The following NFATC2 variants were observed in gnomAD, a reference collection of about 807,000 sequenced individuals.
The protein encoded by NFATC2 is nuclear factor of activated T-cells, cytoplasmic 2.
NFATC2 carries 22 observed loss-of-function variants against 87.3 expected under a neutral mutation model. The ratio of observed to expected loss-of-function variants is 0.25; its 90% CI spans 0.18 to 0.36. The LOEUF (loss-of-function observed/expected upper bound fraction) is 0.36, where lower values mean the gene tolerates loss of function less well. Ranked by LOEUF, NFATC2 falls within the 10% of genes least tolerant of loss-of-function variation. The pLI, the probability that NFATC2 is intolerant of heterozygous loss-of-function variation, is 1.00. For synonymous variants in NFATC2, 565 were observed against 542.2 expected (o/e 1.04, Z -0.58); for missense variants, 1,149 against 1,259.1 (o/e 0.91, Z 1.32).
At chr20:51,505,578 C>G (rs889445609) in intron 3 of NFATC2, among the ~76,000 whole-genome samples, 1 of 151,952 alleles carries the variant, frequency 6.6e-6, no homozygotes, top group Admixed American at 6.6e-5. Context: ...TCAGAATAGG[C>G]CCCCGCTAAG....
At chr20:51,427,797 A>G (rs1436011008) in intron 9 of NFATC2, among the ~76,000 whole-genome samples, 1 of 152,098 alleles carries the variant, frequency 6.6e-6, no homozygotes, top group Non-Finnish European at 1.5e-5. Context: ...TGCAGGGGCC[A>G]ACCTCACCCC....
At chr20:51,445,173 G>A (rs1984895283) in intron 6 of NFATC2, among the ~76,000 whole-genome samples, 1 of 151,754 alleles carries the variant, frequency 6.6e-6, no homozygotes, top group African/African-American at 2.4e-5. Context: ...TCCTTGCCAT[G>A]ACTGCAGGGC....
chr20:51,465,677 CA>C (rs1555882361), intron 5 of NFATC2, among the ~76,000 whole-genome samples: 2 of 152,058 alleles, frequency 1.3e-5, no homozygotes, highest in Non-Finnish European at 2.9e-5. Flanking sequence ...ATCGGCATGA[CA>C]GACACATATT....
chr20:51,467,530 C>G (rs1239651119), intron 5 of NFATC2, among the ~76,000 whole-genome samples: 1 of 150,230 alleles, frequency 6.7e-6, no homozygotes, highest in Admixed American at 6.7e-5. Context: ...GCACTCCAGC[C>G]TAGGGGAAAA....
At chr20:51,479,756 A>G (rs1989072159) in intron 3 of NFATC2, among the ~76,000 whole-genome samples, 1 of 152,198 alleles carries the variant, frequency 6.6e-6, no homozygotes, top group Non-Finnish European at 1.5e-5. Context: ...CACATTTTAC[A>G]GGTGAGGAAA....
chr20:51,398,618 A>AGGAGAAGCAGAAGATATCGATT (rs765248156), intron 10 of NFATC2, 25 bp downstream of exon 10: 82 of 1,520,840 alleles, frequency 5.4e-5, no homozygotes, highest in Non-Finnish European at 6.7e-5. Context: ...GGAAAACAAA[A>AGGAGAAGCAGAAGATATCGATT]GGAGAAGCAG....
chr20:51,538,619 A>G (rs1057218605), intron 1 of NFATC2, among the ~76,000 whole-genome samples: 2 of 152,254 alleles, frequency 1.3e-5, no homozygotes, highest in Non-Finnish European at 2.9e-5. Flanking sequence ...TTGTGACCCT[A>G]GGATCTAACA....
chr20:51,510,084 C>G (rs1015270815), intron 3 of NFATC2, among the ~76,000 whole-genome samples: 1 of 152,234 alleles, frequency 6.6e-6, no homozygotes, highest in African/African-American at 2.4e-5. Flanking sequence ...GACGCTTCCA[C>G]GTTCTCATAT....
In NFATC2 at chr20:51,474,112, T is replaced by G; in HGVS notation, c.1576A>C (p.Ile526Leu). 6.2e-7 allele frequency: 1 copy of G among 1,614,218 alleles called. No homozygotes were observed. The highest frequency in any genetic ancestry group is 8.5e-7 in the Non-Finnish European group (1 of 1,180,036). Residue 526 changes from isoleucine to leucine, a missense_variant, in exon 5 of 11, where the codon ATT becomes CTT. Ile to Leu is a conservative substitution (Grantham distance 5). Coordinates refer to ENST00000371564, the MANE Select transcript of NFATC2 (RefSeq NM_012340.5). Reference sequence around the variant, plus strand: ...TCCGTCTCGCCTTTCCGCAGCTCAATGTCGGCGTTTCTAAGCTTCAAGATC... The same window carrying G: ...TCCGTCTCGCCTTTCCGCAGCTCAAGGTCGGCGTTTCTAAGCTTCAAGATC... Reference protein sequence around the residue: ...AGILKLRNADIELRKGETDIG... With the variant: ...AGILKLRNADLELRKGETDIG...
rs373827512 is a variant in NFATC2, at chr20:51,391,477, G to A, written c.*45-26C>T. On this transcript the variant is annotated intron_variant, in intron 10 of 10. Transcript: ENST00000371564. ...CTACAAAAGAAAAGAGGAGGGGGGG[G>A]GAGAGAGAATGGGGCAAGTGAGAGG... is the stretch of plus-strand genomic sequence containing the variant. 11 of 1,576,166 alleles carry A rather than the reference G, an allele frequency of 7.0e-6. 1 individual carries two copies. Among genetic ancestry groups the A allele is most frequent in the Middle Eastern group, 2.0e-4 (1 of 5,048 alleles).
chr20:51,469,916 G>C (rs1988042563), intron 5 of NFATC2, among the ~76,000 whole-genome samples: 1 of 152,212 alleles, frequency 6.6e-6, no homozygotes, highest in African/African-American at 2.4e-5. Context: ...CAAGCCACCT[G>C]GTTTGCAGTA....
chr20:51,465,860 T>C (rs1987630303), intron 5 of NFATC2, among the ~76,000 whole-genome samples: 2 of 152,086 alleles, frequency 1.3e-5, no homozygotes, highest in Non-Finnish European at 2.9e-5. Context: ...CTTTGTTTTG[T>C]TCAGTGTTGC....
chr20:51,492,704 G>C (rs111824870), intron 3 of NFATC2, among the ~76,000 whole-genome samples: 2,630 of 152,356 alleles, frequency 0.017, 38 homozygotes, highest in Middle Eastern at 0.037. Flanking sequence ...GCAGGAGGCG[G>C]CCGGGGCTCC....
At chr20:51,493,208 C>G (rs184759082) in intron 3 of NFATC2, among the ~76,000 whole-genome samples, 2 of 152,318 alleles carry the variant, frequency 1.3e-5, no homozygotes, top group African/African-American at 4.8e-5. Context: ...CACTCTGACT[C>G]TTTGACACAT....
At chr20:51,409,235 A>G (rs1436540740) in intron 9 of NFATC2, among the ~76,000 whole-genome samples, 1 of 152,172 alleles carries the variant, frequency 6.6e-6, no homozygotes, top group Admixed American at 6.6e-5. Flanking sequence ...TTGTCAGTAT[A>G]ACCCTACAGA....
chr20:51,437,533 G>A (rs1434683533), intron 6 of NFATC2, among the ~76,000 whole-genome samples: 1 of 152,152 alleles, frequency 6.6e-6, no homozygotes, highest in Non-Finnish European at 1.5e-5. Flanking sequence ...GATTCACCCA[G>A]CGAAATCTGG....
chr20:51,471,661 T>C (rs1252548410), intron 5 of NFATC2, among the ~76,000 whole-genome samples: 2 of 152,160 alleles, frequency 1.3e-5, no homozygotes, highest in African/African-American at 4.8e-5. Context: ...GAAAGGACCA[T>C]CCTCTCTCCT....
intron 3 of NFATC2, among the ~76,000 whole-genome samples, chr20:51,483,961 G>T (rs1989492924): frequency 6.6e-6 from 1 of 151,752 alleles, no homozygotes; most frequent in East Asian, 1.9e-4. Flanking sequence ...AAAATGGTAA[G>T]TTAGAGCTTT....
intron 3 of NFATC2, among the ~76,000 whole-genome samples, chr20:51,487,876 T>C: frequency 6.6e-6 from 1 of 151,904 alleles, no homozygotes; most frequent in South Asian, 2.1e-4. Flanking sequence ...GATTTTAAGA[T>C]CCAGTTTCTT....
Sources: allele counts gnomAD v4.1 joint callset (sites outside exome capture counted in the v4.1 genomes callset), GRCh38; gene constraint gnomAD v4.1.1; transcripts MANE v1.5; gene names NCBI Gene and HGNC (gene_info 2026-07-23, HGNC 2026-07-21).